UBE2R2: variants seen among roughly 807,000 people sequenced by gnomAD.
UBE2R2 encodes the protein ubiquitin conjugating enzyme E2 R2.
Under a neutral mutation model 27.8 loss-of-function variants are expected in UBE2R2, and 1 was observed. That is an observed-to-expected ratio of 0.04 (90% CI 0.01 to 0.17). The LOEUF (loss-of-function observed/expected upper bound fraction) is 0.17, where lower values mean the gene tolerates loss of function less well. Among genes scored for constraint, UBE2R2 ranks in the 10% least tolerant of loss-of-function variants. The pLI is 1.00. For synonymous variants in UBE2R2, 106 were observed against 113.3 expected, an observed-to-expected ratio of 0.94 and a Z score of 0.41; for missense variants, 100 against 291.0, an observed-to-expected ratio of 0.34 and a Z score of 4.78.
At chr9:33,821,546 T>C (rs1346758662) in intron 1 of UBE2R2, among the ~76,000 whole-genome samples, 1 of 152,154 alleles carries the variant, frequency 6.6e-6, no homozygotes, top group East Asian at 1.9e-4. Flanking sequence ...TTTGCATTAT[T>C]TATCTAAAGC....
At chr9:33,855,274 T>G (rs566255132) in intron 1 of UBE2R2, among the ~76,000 whole-genome samples, 1 of 152,332 alleles carries the variant, frequency 6.6e-6, no homozygotes, top group South Asian at 2.1e-4. Flanking sequence ...TGTGATATTT[T>G]TCTCTCATTT....
At chr9:33,911,178 G>GA (rs2130820675) in intron 3 of UBE2R2, among the ~76,000 whole-genome samples, 1 of 151,912 alleles carries the variant, frequency 6.6e-6, no homozygotes, top group African/African-American at 2.4e-5. Context: ...GGAGGTTGAG[G>GA]AGGGCGGATC....
chr9:33,882,635 C>T (rs1479586984), intron 1 of UBE2R2, among the ~76,000 whole-genome samples: 2 of 152,140 alleles, frequency 1.3e-5, no homozygotes, highest in Non-Finnish European at 2.9e-5. Flanking sequence ...TGTTTGGGCT[C>T]CAGCCTTTTT....
rs60300328 is a variant in UBE2R2 at position 33,854,717 on chromosome 9, AT to A, written c.178-32147del. Among the ~76,000 whole-genome samples the A allele has an allele frequency of 8.8e-3, 1,222 of 138,572 alleles. 7 individuals carry two copies. The highest frequency in any genetic ancestry group is 0.021 in the African/African-American group (799 of 37,700). 90.9% of individuals were successfully genotyped at this position (138,572 alleles called of 152,430 possible). A position where few individuals can be genotyped will look rare whatever the true frequency, so the allele number is the denominator to read the frequency against. On this transcript the variant is annotated intron_variant, in intron 1 of 4. Transcript: ENST00000263228. Reference sequence around the variant, plus strand: ...GGGAGTATTAAAATCTGCAAGTGCAATTTTTTTTTTTTTTTTTCCAAGACAG... The same window carrying A: ...GGGAGTATTAAAATCTGCAAGTGCAATTTTTTTTTTTTTTTTCCAAGACAG...
At chr9:33,853,053 A>G (rs1821003228) in intron 1 of UBE2R2, among the ~76,000 whole-genome samples, 1 of 152,154 alleles carries the variant, frequency 6.6e-6, no homozygotes, top group Non-Finnish European at 1.5e-5. Flanking sequence ...AAAGGAAAAA[A>G]AAGCAGTTAA....
At position 33,917,360 on chromosome 9, in the gene UBE2R2, GCTC is replaced by G. The variant is rs1822674534; in HGVS notation, c.*126_*128del. The G allele has an allele frequency of 7.1e-7, 1 of 1,406,006 alleles. No homozygotes were observed. Among genetic ancestry groups the G allele is most frequent in the African/African-American group, 1.4e-5 (1 of 70,964 alleles). 87.1% of individuals were successfully genotyped at this position (1,406,006 alleles called of 1,614,324 possible). A position where few individuals can be genotyped will look rare whatever the true frequency, so the allele number is the denominator to read the frequency against. On this transcript the variant is annotated 3_prime_UTR_variant, in exon 5 of 5. Coordinates refer to ENST00000263228, the MANE Select transcript of UBE2R2 (RefSeq NM_017811.4). ...CACAGCGGGTGGGGAAACACACACAGCTCCTGCTGACTCCCCTTATGGATCTCA... is the reference window on the plus strand; with the variant it reads ...CACAGCGGGTGGGGAAACACACACAGCTGCTGACTCCCCTTATGGATCTCA...
chr9:33,838,641 C>T (rs1253258342), intron 1 of UBE2R2, among the ~76,000 whole-genome samples: 1 of 151,980 alleles, frequency 6.6e-6, no homozygotes, highest in Non-Finnish European at 1.5e-5. Flanking sequence ...TAATTTACTA[C>T]AGTTTAGTTT....
chr9:33,818,063 C>T (rs1825855549), intron 1 of UBE2R2, 129 bp downstream of exon 1: 2 of 1,083,216 alleles, frequency 1.8e-6, no homozygotes, highest in Non-Finnish European at 2.5e-6. Flanking sequence ...CCGTGCAGCC[C>T]CCTCCCCCAT....
chr9:33,862,884 GT>G (rs1821273043), intron 1 of UBE2R2, among the ~76,000 whole-genome samples: 1 of 151,882 alleles, frequency 6.6e-6, no homozygotes, highest in African/African-American at 2.4e-5. Flanking sequence ...TTTCTTTAAG[GT>G]TTTTAATCTT....
At chr9:33,896,191 T>C (rs1056186610) in intron 2 of UBE2R2, among the ~76,000 whole-genome samples, 1 of 152,186 alleles carries the variant, frequency 6.6e-6, no homozygotes, top group African/African-American at 2.4e-5. Context: ...ATCCTATAAC[T>C]TTCCTGAATT....
intron 1 of UBE2R2, among the ~76,000 whole-genome samples, chr9:33,822,177 C>T (rs998310961): frequency 2.1e-5 from 3 of 145,810 alleles, no homozygotes; most frequent in Middle Eastern, 4.2e-3. Flanking sequence ...CTGCAACCTC[C>T]GCCTCCTGGG....
chr9:33,887,955 G>A (rs1191095141), intron 2 of UBE2R2, among the ~76,000 whole-genome samples: 8 of 152,204 alleles, frequency 5.3e-5, no homozygotes, highest in African/African-American at 1.2e-4. Context: ...GATTACAGGC[G>A]TGAGCCACCG....
intron 1 of UBE2R2, among the ~76,000 whole-genome samples, chr9:33,864,670 C>A (rs561424355): frequency 1.3e-5 from 2 of 151,432 alleles, no homozygotes; most frequent in South Asian, 2.1e-4. Flanking sequence ...CCGCTGAAGC[C>A]TCCTGAGTAG....
In UBE2R2 at chr9:33,911,729, A is replaced by AG. The variant is rs1010763700; in HGVS notation, c.363-234dup. On this transcript the variant is annotated intron_variant, in intron 3 of 4. Coordinates refer to ENST00000263228, the MANE Select transcript of UBE2R2 (RefSeq NM_017811.4). ...TCCTCTGCTTTGCCTGCCAGTTAGC[A>AG]GCTTGTTTCTTAGTGCTGAAAAAAA... Among the ~76,000 whole-genome samples the AG allele has an allele frequency of 1.0e-3, 157 of 152,256 alleles. 1 individual carries two copies. Among genetic ancestry groups the AG allele is most frequent in the African/African-American group, 3.6e-3 (149 of 41,550 alleles).
chr9:33,891,047 G>GTTTTTTTGTTT (rs57437686), intron 2 of UBE2R2, among the ~76,000 whole-genome samples: 38,530 of 126,074 alleles, frequency 0.31, 6,371 homozygotes, highest in South Asian at 0.42. Context: ...TTGTTGTTGT[G>GTTTTTTTGTTT]TTTTTTTGTT....
chr9:33,903,059 A>C (rs972038804), intron 3 of UBE2R2, among the ~76,000 whole-genome samples: 15 of 152,150 alleles, frequency 9.9e-5, no homozygotes, highest in African/African-American at 3.4e-4. Flanking sequence ...GGATCGTGCC[A>C]CTGCACTCCA....
chr9:33,826,010 G>T (rs1820307812), intron 1 of UBE2R2, among the ~76,000 whole-genome samples: 1 of 152,086 alleles, frequency 6.6e-6, no homozygotes, highest in Non-Finnish European at 1.5e-5. Flanking sequence ...GGGTGTGGTG[G>T]CATGCGCCTG....
At chr9:33,882,088 T>C (rs761239889) in intron 1 of UBE2R2, among the ~76,000 whole-genome samples, 3 of 152,190 alleles carry the variant, frequency 2.0e-5, no homozygotes, top group Non-Finnish European at 4.4e-5. Context: ...GCTTCGATTA[T>C]TCTAGTTTTG....
chr9:33,865,944 G>T (rs1340767900), intron 1 of UBE2R2, among the ~76,000 whole-genome samples: 1 of 150,890 alleles, frequency 6.6e-6, no homozygotes, highest in African/African-American at 2.4e-5. Context: ...TGATTGTCCT[G>T]CCTCAGCCTC....
Sources: allele counts gnomAD v4.1 joint callset (sites outside exome capture counted in the v4.1 genomes callset), GRCh38; gene constraint gnomAD v4.1.1; transcripts MANE v1.5; gene names NCBI Gene and HGNC (gene_info 2026-07-23, HGNC 2026-07-21).